SCRG1: variants seen among roughly 807,000 people sequenced by gnomAD.
The protein encoded by SCRG1 is scrapie-responsive protein 1.
In SCRG1, 3 loss-of-function variants were observed where a neutral mutation model predicts 7.7. That is an observed-to-expected ratio of 0.39 (90% CI 0.18 to 1.01). The LOEUF is 1.01. SCRG1 is among the 50% of genes least tolerant of loss of function. The probability of loss-of-function intolerance (pLI) is 0.36; values close to 1 mark genes in which losing one functional copy is unlikely to be tolerated. For synonymous variants in SCRG1, 46 were observed against 41.2 expected (o/e 1.12, Z -0.44); for missense variants, 110 against 117.2 (o/e 0.94, Z 0.28).
At chr4:173,487,836 C>T in the SCRG1 span, among the ~76,000 whole-genome samples, 1 of 151,980 alleles carries the variant, frequency 6.6e-6, no homozygotes, top group Admixed American at 6.6e-5. Context: ...GGCATGGTGG[C>T]TCATGCATGT....
At chr4:173,495,490 C>G in the SCRG1 span, among the ~76,000 whole-genome samples, 1 of 152,202 alleles carries the variant, frequency 6.6e-6, no homozygotes, top group Non-Finnish European at 1.5e-5. Context: ...AATATGTGCA[C>G]ACTATGTGCG....
the SCRG1 span, among the ~76,000 whole-genome samples, chr4:173,511,398 C>CGCCTG: frequency 1.8e-4 from 27 of 152,202 alleles, no homozygotes; most frequent in African/African-American, 6.0e-4. The surrounding 1 kb of genome is among the most constrained non-coding windows in gnomAD (Gnocchi z 5.2). Flanking sequence ...CCTCTTTTCT[C>CGCCTG]GCCTGGCCTG....
Position 173,396,663 on chromosome 4 carries a change from G to A in SCRG1, c.-15+2405C>T, listed in dbSNP as rs543185763. 2.2e-4 allele frequency among the ~76,000 whole-genome samples: 33 copies of A among 150,688 alleles called. No homozygotes were observed. The East Asian group carries it at 5.5e-3, about 25-fold the overall frequency. On this transcript the variant is annotated intron_variant, in intron 1 of 2. Coordinates refer to ENST00000296506, the MANE Select transcript of SCRG1 (RefSeq NM_007281.4). ...TCATTTTTTTGCCACAGTCTAAGTC[G>A]CATACTACAATGGAAAGTTCCACAC...
the SCRG1 span, among the ~76,000 whole-genome samples, chr4:173,494,913 C>A: frequency 5.9e-5 from 9 of 152,202 alleles, no homozygotes; most frequent in African/African-American, 2.2e-4. Flanking sequence ...TATCAACCAC[C>A]TATTCTGCGT....
At chr4:173,484,883 A>T in the SCRG1 span, among the ~76,000 whole-genome samples, 6 of 73,600 alleles carry the variant, frequency 8.2e-5, no homozygotes, top group Non-Finnish European at 1.4e-4. Context: ...TATATTATAT[A>T]TTATATACAT....
chr4:173,483,494 A>G, the SCRG1 span, among the ~76,000 whole-genome samples: 1 of 80,072 alleles, frequency 1.2e-5, no homozygotes, highest in Non-Finnish European at 2.2e-5. Flanking sequence ...AATATATTAT[A>G]TATTATATTC....
chr4:173,462,114 G>C, the SCRG1 span, among the ~76,000 whole-genome samples: 23 of 152,134 alleles, frequency 1.5e-4, no homozygotes, highest in Admixed American at 1.3e-3. Flanking sequence ...AGAGGAGGTA[G>C]AGAAAGAGAT....
chr4:173,447,271 A>G, the SCRG1 span, among the ~76,000 whole-genome samples: 25 of 152,224 alleles, frequency 1.6e-4, no homozygotes, highest in African/African-American at 5.3e-4. Context: ...GTCTCTTCCC[A>G]TAATGCCACT....
chr4:173,401,769 C>T (rs1039933464), upstream of SCRG1, among the ~76,000 whole-genome samples: 12 of 152,188 alleles, frequency 7.9e-5, no homozygotes, highest in African/African-American at 2.7e-4. Context: ...GGACCCTGGC[C>T]TCCAAATCCC....
chr4:173,393,630 T>A (rs1739512689), intron 1 of SCRG1, among the ~76,000 whole-genome samples: 1 of 152,158 alleles, frequency 6.6e-6, no homozygotes. Flanking sequence ...GTCTGTTAGG[T>A]CCATTTGGTC....
At chr4:173,403,296 T>C (rs377762889), upstream of SCRG1, 1 of 152,152 alleles carries the variant, frequency 6.6e-6, no homozygotes, top group African/African-American at 2.4e-5. Flanking sequence ...GGTATTCATA[T>C]TGGAATGCAA....
chr4:173,442,096 G>A, the SCRG1 span, among the ~76,000 whole-genome samples: 3 of 152,198 alleles, frequency 2.0e-5, no homozygotes, highest in East Asian at 1.9e-4. Flanking sequence ...GAAATATTTC[G>A]GATCTTAAAT....
chr4:173,447,036 A>T, the SCRG1 span, among the ~76,000 whole-genome samples: 8 of 152,236 alleles, frequency 5.3e-5, no homozygotes, highest in African/African-American at 1.9e-4. Context: ...TGCCACTGTG[A>T]GCTTCATAGC....
chr4:173,433,878 C>T, the SCRG1 span, among the ~76,000 whole-genome samples: 1 of 152,174 alleles, frequency 6.6e-6, no homozygotes, highest in Non-Finnish European at 1.5e-5. Flanking sequence ...AGACATGGGT[C>T]CCTACTCTAT....
At chr4:173,499,594 C>G in the SCRG1 span, among the ~76,000 whole-genome samples, 1 of 152,214 alleles carries the variant, frequency 6.6e-6, no homozygotes, top group Non-Finnish European at 1.5e-5. The surrounding 1 kb of genome is among the most constrained non-coding windows in gnomAD (Gnocchi z 4.1). Flanking sequence ...CCCCCACCCA[C>G]TACTGAACAA....
chr4:173,457,466 C>G, the SCRG1 span, among the ~76,000 whole-genome samples: 2 of 152,122 alleles, frequency 1.3e-5, no homozygotes, highest in South Asian at 4.1e-4. Flanking sequence ...TTCCATATAA[C>G]ATCAAAGAAT....
chr4:173,445,855 G>A, the SCRG1 span, among the ~76,000 whole-genome samples: 6 of 151,654 alleles, frequency 4.0e-5, no homozygotes, highest in South Asian at 2.1e-4. Context: ...TAGTAGAGAC[G>A]AGGTTTCACC....
At chr4:173,481,041 C>A in the SCRG1 span, among the ~76,000 whole-genome samples, 3 of 152,002 alleles carry the variant, frequency 2.0e-5, no homozygotes, top group African/African-American at 7.2e-5. Context: ...CCATTTGGAC[C>A]AGATCACCCT....
chr4:173,508,721 C>G, the SCRG1 span, among the ~76,000 whole-genome samples: 1 of 152,176 alleles, frequency 6.6e-6, no homozygotes, highest in African/African-American at 2.4e-5. This position sits in a 1 kb window ranked among gnomAD's most constrained non-coding sequence, Gnocchi z 4.4. Flanking sequence ...CTGCCCCGGC[C>G]GAGTTATGGA....
Sources: allele counts gnomAD v4.1 joint callset (sites outside exome capture counted in the v4.1 genomes callset), GRCh38; gene constraint gnomAD v4.1.1; non-coding constraint Gnocchi (gnomAD v3.1); transcripts MANE v1.5; gene names NCBI Gene and HGNC (gene_info 2026-07-23, HGNC 2026-07-21).